Variants in DRD2 observed in about 807,000 individuals in gnomAD.
DRD2 encodes D(2) dopamine receptor.
A neutral mutation model predicts 38.0 loss-of-function variants in DRD2; 8 were observed. The ratio of observed to expected loss-of-function variants is 0.21; its 90% CI spans 0.12 to 0.38. The LOEUF is 0.38. Ranked by LOEUF, DRD2 falls within the 10% of genes least tolerant of loss-of-function variation. The pLI is 1.00. For missense variants in DRD2, 403 were observed against 607.7 expected, an observed-to-expected ratio of 0.66 and a Z score of 3.54; for synonymous variants, 230 against 238.6, an observed-to-expected ratio of 0.96 and a Z score of 0.33.
At chr11:113,413,888 T>G in intron 6 of DRD2, 1 of 244,680 alleles carries the variant, frequency 4.1e-6, no homozygotes, top group South Asian at 5.4e-5. Context: ...AACCTGCCCA[T>G]CCATAAGGCA....
chr11:113,459,307 G>A (rs753260218), intron 1 of DRD2, among the ~76,000 whole-genome samples: 1 of 152,214 alleles, frequency 6.6e-6, no homozygotes, highest in African/African-American at 2.4e-5. Flanking sequence ...AATAGAATAT[G>A]TGTTTTAAAG....
chr11:113,447,521 G>T (rs1031250916), intron 1 of DRD2: 1 of 151,598 alleles, frequency 6.6e-6, no homozygotes, highest in Non-Finnish European at 1.5e-5. Flanking sequence ...AGTGCTGCTT[G>T]TTCCAGCACC....
chr11:113,424,681 C>A lies in DRD2; in HGVS notation c.-30G>T, dbSNP rs1331659741. 5.0e-6 allele frequency: 8 copies of A among 1,613,442 alleles called. 1 individual carries two copies. The South Asian group carries it at 7.7e-5, about 16-fold the overall frequency. ...GCGGTGGAGCCACTGGGTGGCCAGG[C>A]TCTGGCCAGGAAAAATGGACACAAG... On this transcript the variant is annotated splice_region_variant and 5_prime_UTR_variant, in exon 2 of 8. Coordinates refer to ENST00000362072, the MANE Select transcript of DRD2 (RefSeq NM_000795.4).
rs1950915294 is a variant in DRD2, at chr11:113,424,307, C to T, written c.285+60G>A. On this transcript the variant is annotated intron_variant, in intron 2 of 7. Coordinates refer to ENST00000362072, the MANE Select transcript of DRD2 (RefSeq NM_000795.4). ...AAAGCCAGTGGGGAGCTAGAGTCCC[C>T]AGTGTCCAGTGCAGGGCCCTGCTGG... 2.5e-6 allele frequency: 4 copies of T among 1,573,400 alleles called. No homozygotes were observed. The Admixed American group carries it at 7.1e-5, about 28-fold the overall frequency.
At chr11:113,435,430 C>T (rs1951026484) in intron 1 of DRD2, among the ~76,000 whole-genome samples, 1 of 151,946 alleles carries the variant, frequency 6.6e-6, no homozygotes, top group East Asian at 1.9e-4. Context: ...CTCACCGCTC[C>T]GATACTGTGT....
intron 1 of DRD2, among the ~76,000 whole-genome samples, chr11:113,428,052 A>G (rs1332618423): frequency 1.3e-5 from 2 of 152,126 alleles, no homozygotes; most frequent in Non-Finnish European, 2.9e-5. Flanking sequence ...CCCTGTTGAC[A>G]CCTTGATCTG....
At chr11:113,410,994 G>A (rs1169535575) in intron 7 of DRD2, 74 bp from the exon 8 acceptor site, 8 of 1,503,592 alleles carry the variant, frequency 5.3e-6, no homozygotes, top group East Asian at 2.3e-5. Flanking sequence ...CACCCAGTGC[G>A]CCCTGGCTCG....
chr11:113,462,186 A>G (rs1244997519), intron 1 of DRD2, among the ~76,000 whole-genome samples: 1 of 152,228 alleles, frequency 6.6e-6, no homozygotes, highest in Non-Finnish European at 1.5e-5. Context: ...CTAGGAAGGA[A>G]AACAGTCCTA....
At chr11:113,427,147 C>A (rs967336462) in intron 1 of DRD2, among the ~76,000 whole-genome samples, 1 of 152,190 alleles carries the variant, frequency 6.6e-6, no homozygotes, top group South Asian at 2.1e-4. Context: ...CTCAAAACAA[C>A]CCTCGGAGGC....
intron 2 of DRD2, among the ~76,000 whole-genome samples, chr11:113,418,389 G>C (rs965562072): frequency 6.6e-6 from 1 of 152,082 alleles, no homozygotes; most frequent in Non-Finnish European, 1.5e-5. Flanking sequence ...CAACTTATAC[G>C]GAGGGCCTCA....
intron 2 of DRD2, among the ~76,000 whole-genome samples, chr11:113,420,612 T>C (rs1950876259): frequency 6.6e-6 from 1 of 152,228 alleles, no homozygotes; most frequent in African/African-American, 2.4e-5. Flanking sequence ...CAAGTTCACC[T>C]GGCAGGTGTG....
chr11:113,469,197 T>A (rs1951398524), intron 1 of DRD2, among the ~76,000 whole-genome samples: 1 of 151,972 alleles, frequency 6.6e-6, no homozygotes, highest in Non-Finnish European at 1.5e-5. Context: ...CCTGCCGCCC[T>A]CCCTCCTGCT....
At chr11:113,433,773 G>A (rs1422190036) in intron 1 of DRD2, among the ~76,000 whole-genome samples, 1 of 152,138 alleles carries the variant, frequency 6.6e-6, no homozygotes, top group Non-Finnish European at 1.5e-5. Context: ...GGCCTTCTGT[G>A]GCCCAGCTTG....
Position 113,425,552 on chromosome 11 carries a change from A to G in DRD2, c.-31-870T>C, listed in dbSNP as rs1079598. On this transcript the variant is annotated intron_variant, in intron 1 of 7. Transcript: ENST00000362072. Reference sequence around the variant, plus strand: ...TAAGGGCAGCAGGAACCACATGATCAGATTCGCCTTTCGAATAGGTGATTC... The same window carrying G: ...TAAGGGCAGCAGGAACCACATGATCGGATTCGCCTTTCGAATAGGTGATTC... Among the ~76,000 whole-genome samples the G allele has an allele frequency of 0.16, 25,033 of 152,170 alleles. 2,547 individuals carry two copies. Among genetic ancestry groups the G allele is most frequent in the East Asian group, 0.41 (2,140 of 5,162 alleles).
At chr11:113,437,277 A>G (rs548758007) in intron 1 of DRD2, among the ~76,000 whole-genome samples, 2 of 152,264 alleles carry the variant, frequency 1.3e-5, no homozygotes, top group African/African-American at 4.8e-5. Flanking sequence ...TGCCTGCAGA[A>G]CCCAGACTCT....
At chr11:113,452,656 T>A (rs995914955) in intron 1 of DRD2, among the ~76,000 whole-genome samples, 1 of 151,312 alleles carries the variant, frequency 6.6e-6, no homozygotes, top group Non-Finnish European at 1.5e-5. Flanking sequence ...TCTTTTTTTT[T>A]TTTTTTTCTG....
intron 1 of DRD2, among the ~76,000 whole-genome samples, chr11:113,452,469 TGCGCGCGCGCGC>T (rs150781651): frequency 0.013 from 1,510 of 118,770 alleles, 12 homozygotes; most frequent in Middle Eastern, 0.017. Flanking sequence ...TGTGTGTGTG[TGCGCGCGCGCGC>T]GCGCGCACAT....
rs571906052 is a variant in DRD2, at chr11:113,411,306, A to G, written c.1139-386T>C. Among the ~76,000 whole-genome samples the G allele has an allele frequency of 6.6e-5, 10 of 152,328 alleles. No individual in the cohort carries two copies. In the South Asian group the frequency reaches 1.7e-3, roughly 25 times the overall value. Reference sequence around the variant, plus strand: ...AGTTCTTATAGCATCCTCATAAGGTACATAAGAAAAACACTCACAACAGCT... The same window carrying G: ...AGTTCTTATAGCATCCTCATAAGGTGCATAAGAAAAACACTCACAACAGCT... On this transcript the variant is annotated intron_variant, in intron 7 of 7. Coordinates refer to ENST00000362072, the MANE Select transcript of DRD2 (RefSeq NM_000795.4).
At chr11:113,453,108 GCC>G (rs752015094) in intron 1 of DRD2, among the ~76,000 whole-genome samples, 7 of 152,088 alleles carry the variant, frequency 4.6e-5, no homozygotes, top group Non-Finnish European at 7.4e-5. Flanking sequence ...CCCTCTCTAA[GCC>G]ACAGTTTTAT....
Sources: allele counts gnomAD v4.1 joint callset (sites outside exome capture counted in the v4.1 genomes callset), GRCh38; gene constraint gnomAD v4.1.1; transcripts MANE v1.5; gene names NCBI Gene and HGNC (gene_info 2026-07-23, HGNC 2026-07-21).